Variants in RANBP2 observed in about 807,000 individuals in gnomAD.
RANBP2 encodes the protein E3 SUMO-protein ligase RanBP2.
In RANBP2, 57 loss-of-function variants were observed where a neutral mutation model predicts 303.6. The observed-to-expected ratio is 0.19, with a 90% confidence interval of 0.15 to 0.23. The LOEUF is 0.23. Ranked by LOEUF, RANBP2 falls within the 10% of genes least tolerant of loss-of-function variation. The pLI, the probability that RANBP2 is intolerant of heterozygous loss-of-function variation, is 1.00. For missense variants in RANBP2, 3,138 were observed against 3,780.8 expected (o/e 0.83, Z 4.46); for synonymous variants, 1,167 against 1,301.5 (o/e 0.90, Z 2.23).
At chr2:109,340,189 A>T in the RANBP2 span, among the ~76,000 whole-genome samples, 1 of 152,192 alleles carries the variant, frequency 6.6e-6, no homozygotes, top group South Asian at 2.1e-4. Flanking sequence ...ACCTGGATCC[A>T]GTCCTGTCTC....
intron 1 of RANBP2, among the ~76,000 whole-genome samples, chr2:108,721,644 A>G (rs1380553190): frequency 6.6e-6 from 1 of 152,008 alleles, no homozygotes; most frequent in Admixed American, 6.6e-5. Context: ...ACTGGGTTTC[A>G]CCATGTTGCC....
At chr2:109,657,534 T>C in the RANBP2 span, among the ~76,000 whole-genome samples, 1 of 151,778 alleles carries the variant, frequency 6.6e-6, no homozygotes, top group Admixed American at 6.6e-5. Flanking sequence ...TATATTCTCA[T>C]AGAGAGAAAA....
chr2:109,687,108 A>G, the RANBP2 span, among the ~76,000 whole-genome samples: 1 of 152,148 alleles, frequency 6.6e-6, no homozygotes, highest in Non-Finnish European at 1.5e-5. Flanking sequence ...CCGCATAGAG[A>G]ACATCTGATT....
the RANBP2 span, among the ~76,000 whole-genome samples, chr2:108,902,654 G>A: frequency 6.6e-6 from 1 of 152,056 alleles, no homozygotes; most frequent in East Asian, 1.9e-4. Context: ...TTAGCAAATA[G>A]AATGCAACCA....
At chr2:109,565,730 T>C in the RANBP2 span, 1 of 1,530,628 alleles carries the variant, frequency 6.5e-7, no homozygotes, top group African/African-American at 1.4e-5. Context: ...ACTAGATAGA[T>C]ACATATTTCT....
chr2:108,973,988 C>A, the RANBP2 span, among the ~76,000 whole-genome samples: 1 of 152,262 alleles, frequency 6.6e-6, no homozygotes, highest in South Asian at 2.1e-4. Context: ...GAGAGTAAGA[C>A]CATCCTGTCC....
At chr2:109,297,912 TC>T in the RANBP2 span, among the ~76,000 whole-genome samples, 4 of 151,108 alleles carry the variant, frequency 2.6e-5, no homozygotes, top group Admixed American at 6.6e-5. Flanking sequence ...ATGTCAATGC[TC>T]CCCACCCAGA....
At chr2:108,916,355 G>A in the RANBP2 span, among the ~76,000 whole-genome samples, 1 of 152,250 alleles carries the variant, frequency 6.6e-6, no homozygotes, top group African/African-American at 2.4e-5. Context: ...TGGGGATGGG[G>A]ACACAAATAT....
At chr2:108,735,018 T>C (rs1282495284) in intron 4 of RANBP2, among the ~76,000 whole-genome samples, 1 of 152,152 alleles carries the variant, frequency 6.6e-6, no homozygotes, top group Non-Finnish European at 1.5e-5. Flanking sequence ...TCTCCTTGTA[T>C]GTAAGTTCAG....
At chr2:109,173,301 T>C in the RANBP2 span, among the ~76,000 whole-genome samples, 1 of 152,160 alleles carries the variant, frequency 6.6e-6, no homozygotes, top group African/African-American at 2.4e-5. Context: ...AGCCTGCACT[T>C]GCGTTTTCTC....
the RANBP2 span, among the ~76,000 whole-genome samples, chr2:109,576,713 C>T: frequency 6.6e-6 from 1 of 152,030 alleles, no homozygotes; most frequent in Non-Finnish European, 1.5e-5. Flanking sequence ...AATGTTTTGT[C>T]TTATGCTATT....
chr2:108,745,748 G>A (rs1314902842), intron 7 of RANBP2, among the ~76,000 whole-genome samples: 1 of 151,998 alleles, frequency 6.6e-6, no homozygotes, highest in East Asian at 1.9e-4. Flanking sequence ...ACTTTTTAAA[G>A]TAGGGTGTCA....
chr2:109,491,402 T>C, the RANBP2 span, among the ~76,000 whole-genome samples: 1 of 152,208 alleles, frequency 6.6e-6, no homozygotes, highest in African/African-American at 2.4e-5. Flanking sequence ...CGGCTTCAAG[T>C]CTATATCCCT....
At chr2:108,918,808 G>C in the RANBP2 span, among the ~76,000 whole-genome samples, 3 of 152,208 alleles carry the variant, frequency 2.0e-5, no homozygotes, top group Non-Finnish European at 4.4e-5. Flanking sequence ...GTATGCATTA[G>C]AGGCTGGCTG....
At chr2:109,011,139 G>A in the RANBP2 span, among the ~76,000 whole-genome samples, 5 of 152,176 alleles carry the variant, frequency 3.3e-5, no homozygotes, top group African/African-American at 1.2e-4. Context: ...GAGTTCTTTT[G>A]CCTTTTTTCT....
the RANBP2 span, among the ~76,000 whole-genome samples, chr2:108,798,815 C>CCACACACACACACACACACA: frequency 3.1e-5 from 1 of 32,190 alleles, no homozygotes; most frequent in Non-Finnish European, 7.0e-5. Flanking sequence ...CTCTCCACAC[C>CCACACACACACACACACACA]TACACACACA....
the RANBP2 span, among the ~76,000 whole-genome samples, chr2:109,282,556 A>T: frequency 6.6e-6 from 1 of 152,228 alleles, no homozygotes; most frequent in African/African-American, 2.4e-5. Context: ...GCCTCAGCTG[A>T]CTGCAGGGCC....
chr2:109,068,311 G>A, the RANBP2 span, among the ~76,000 whole-genome samples: 1 of 152,184 alleles, frequency 6.6e-6, no homozygotes, highest in Admixed American at 6.5e-5. Context: ...GGCACCCAGT[G>A]GGCACAGGCA....
chr2:109,448,310 G>A, the RANBP2 span, among the ~76,000 whole-genome samples: 5 of 152,204 alleles, frequency 3.3e-5, no homozygotes, highest in Non-Finnish European at 4.4e-5. Context: ...CATCACAGCA[G>A]AGAAAATTAT....
Sources: gnomAD v4.1 joint callset for allele counts (sites outside exome capture counted in the v4.1 genomes callset) on GRCh38, gnomAD v4.1.1 for gene constraint, MANE v1.5 for transcripts, NCBI Gene and HGNC (gene_info 2026-07-23, HGNC 2026-07-21) for gene names.